Variants in ARHGEF3 observed in about 807,000 individuals in gnomAD.
ARHGEF3 encodes Rho guanine nucleotide exchange factor 3.
ARHGEF3 carries 28 observed loss-of-function variants against 63.2 expected under a neutral mutation model. That is an observed-to-expected ratio of 0.44 (90% confidence interval 0.33 to 0.61). The LOEUF (loss-of-function observed/expected upper bound fraction) is 0.61. Ranked by LOEUF, ARHGEF3 falls within the 20% of genes least tolerant of loss-of-function variation. ARHGEF3 has a pLI of 0.03. For missense variants in ARHGEF3, 533 were observed against 659.3 expected (o/e 0.81, Z 2.10); for synonymous variants, 266 against 254.2 (o/e 1.05, Z -0.44).
intron 4 of ARHGEF3, among the ~76,000 whole-genome samples, chr3:56,866,777 T>C (rs1412711500): frequency 1.3e-5 from 2 of 152,240 alleles, no homozygotes; most frequent in Admixed American, 6.5e-5. Context: ...CCAGGCATAG[T>C]GTTGTGCACT....
chr3:56,837,894 A>G lies in ARHGEF3; in HGVS notation c.192+44398T>C, dbSNP rs143398438. 3.3e-3 allele frequency among the ~76,000 whole-genome samples: 496 copies of G among 152,326 alleles called. 2 individuals carry two copies. Among genetic ancestry groups the G allele is most frequent in the African/African-American group, 0.011 (466 of 41,568 alleles). On this transcript the variant is annotated intron_variant, in intron 4 of 12. Transcript: ENST00000338458. Reference sequence around the variant, plus strand: ...GGATTACAAGCTTCCTCCAGCAGCCAGAAACTTACATATTTCTAACACACT... The same window carrying G: ...GGATTACAAGCTTCCTCCAGCAGCCGGAAACTTACATATTTCTAACACACT...
At chr3:56,907,750 G>C (rs1420417527) in intron 3 of ARHGEF3, among the ~76,000 whole-genome samples, 1 of 152,194 alleles carries the variant, frequency 6.6e-6, no homozygotes, top group Non-Finnish European at 1.5e-5. Context: ...ATTATCCTTA[G>C]CAAACTAATG....
chr3:56,766,056 T>C (rs930840240), intron 2 of ARHGEF3, among the ~76,000 whole-genome samples: 5 of 151,986 alleles, frequency 3.3e-5, no homozygotes, highest in African/African-American at 9.7e-5. Flanking sequence ...CTAATATGGG[T>C]GTATATTATC....
intron 6 of ARHGEF3, among the ~76,000 whole-genome samples, chr3:56,749,663 C>T (rs370496025): frequency 9.6e-4 from 146 of 152,278 alleles, no homozygotes; most frequent in African/African-American, 3.5e-3. Flanking sequence ...AAAACATCTA[C>T]GATGGCTCAT....
At position 56,774,985 on chromosome 3, in the gene ARHGEF3, AAAGAG is replaced by A. The variant is rs1033903311; in HGVS notation, c.97-1174_97-1170del. 1.2e-5 allele frequency: 18 copies of A among 1,488,626 alleles called. 2 individuals are homozygous for A. The highest frequency in any genetic ancestry group is 2.5e-5 in the East Asian group (1 of 39,430). 92.2% of individuals were successfully genotyped at this position (1,488,626 alleles called of 1,614,324 possible). On this transcript the variant is annotated intron_variant, in intron 1 of 9. Coordinates refer to ENST00000296315, the MANE Select transcript of ARHGEF3 (RefSeq NM_019555.3). Reference sequence around the variant, plus strand: ...GATAGACAAAACATTTTACAAAGACAAAGAGAAGAGTTACCCTTGTCCTCCTAAGC... The same window carrying A: ...GATAGACAAAACATTTTACAAAGACAAAGAGTTACCCTTGTCCTCCTAAGC...
chr3:56,951,286 AGAAAG>A (rs1293321453), intron 3 of ARHGEF3, among the ~76,000 whole-genome samples: 2 of 151,902 alleles, frequency 1.3e-5, no homozygotes, highest in African/African-American at 2.4e-5. Context: ...AAAAAAAAAA[AGAAAG>A]GAAAGAAAAA....
At chr3:56,759,841 C>T (rs910648616) in intron 2 of ARHGEF3, among the ~76,000 whole-genome samples, 3 of 152,200 alleles carry the variant, frequency 2.0e-5, no homozygotes, top group African/African-American at 7.2e-5. Flanking sequence ...CCACTGTGCC[C>T]AGCCTACAAT....
chr3:56,914,632 A>C (rs529549975), intron 3 of ARHGEF3, among the ~76,000 whole-genome samples: 1 of 152,344 alleles, frequency 6.6e-6, no homozygotes, highest in African/African-American at 2.4e-5. Flanking sequence ...AGCTCCACGC[A>C]ATATTACCAC....
chr3:56,797,664 G>A lies in ARHGEF3; in HGVS notation c.96+4039C>T, dbSNP rs141111462. ...AGCTGGCATTCAAGAAGTACAGCCC[G>A]AGGTGCATACAATTTTAAAATGCAC... On this transcript the variant is annotated intron_variant, in intron 1 of 9. Coordinates refer to ENST00000296315, the MANE Select transcript of ARHGEF3 (RefSeq NM_019555.3). Among the ~76,000 whole-genome samples, 338 of 152,254 alleles carry A rather than the reference G, an allele frequency of 2.2e-3. 2 individuals are homozygous for A. Among genetic ancestry groups the A allele is most frequent in the Non-Finnish European group, 3.6e-3 (242 of 68,034 alleles).
At chr3:56,764,756 ATTTTTTTT>A in intron 2 of ARHGEF3, among the ~76,000 whole-genome samples, 1 of 142,260 alleles carries the variant, frequency 7.0e-6, no homozygotes, top group Non-Finnish European at 1.5e-5. Context: ...TAGTCAACAA[ATTTTTTTT>A]TTTTTTTTTT....
intron 2 of ARHGEF3, chr3:56,960,572 A>G (rs1700237434): frequency 6.6e-6 from 1 of 152,178 alleles, no homozygotes; most frequent in Non-Finnish European, 1.5e-5. Context: ...TTCTCTCTCA[A>G]CACCTAGCTC....
intron 2 of ARHGEF3, among the ~76,000 whole-genome samples, chr3:57,000,313 C>T (rs1003248585): frequency 1.9e-4 from 17 of 90,318 alleles, no homozygotes; most frequent in Non-Finnish European, 4.0e-4. Flanking sequence ...GTAACTCCCA[C>T]ACACACACAC....
At chr3:57,002,462 C>CTATATATATATATATATATATATGTTATA (rs1165862414) in intron 2 of ARHGEF3, among the ~76,000 whole-genome samples, 2 of 38,686 alleles carry the variant, frequency 5.2e-5, no homozygotes, top group African/African-American at 2.2e-4. Context: ...GTTCTAAGCA[C>CTATATATATATATATATATATATGTTATA]TATATATATA....
At position 56,813,281 on chromosome 3, in the gene ARHGEF3, G is replaced by C. The variant is rs183606725; in HGVS notation, c.193-39465C>G. On this transcript the variant is annotated intron_variant, in intron 4 of 12. Transcript: ENST00000338458. Reference sequence around the variant, plus strand: ...TCCAGGAGAAACAATAGCTGGGAAGGCTGGGTTTTTATGATTCATGGGAGG... The same window carrying C: ...TCCAGGAGAAACAATAGCTGGGAAGCCTGGGTTTTTATGATTCATGGGAGG... Among the ~76,000 whole-genome samples, 7 of 152,300 alleles carry C rather than the reference G, an allele frequency of 4.6e-5. No individual in the cohort carries two copies. In the East Asian group the frequency reaches 9.6e-4, roughly 21 times the overall value.
At chr3:57,039,838 T>C (rs541624387) in intron 1 of ARHGEF3, among the ~76,000 whole-genome samples, 10 of 152,320 alleles carry the variant, frequency 6.6e-5, no homozygotes, top group Admixed American at 2.6e-4. Context: ...CCCTCAAGGA[T>C]GATCTCCCCA....
At chr3:56,735,532 G>A (rs2033552953) in intron 8 of ARHGEF3, among the ~76,000 whole-genome samples, 1 of 152,058 alleles carries the variant, frequency 6.6e-6, no homozygotes, top group African/African-American at 2.4e-5. Context: ...TTATGCCTTA[G>A]GCACATCTAA....
At chr3:56,968,333 TAA>T (rs1700755210) in intron 2 of ARHGEF3, among the ~76,000 whole-genome samples, 1 of 47,408 alleles carries the variant, frequency 2.1e-5, no homozygotes, top group Non-Finnish European at 4.3e-5. Flanking sequence ...TATATATATA[TAA>T]TATATAATAT....
intron 1 of ARHGEF3, among the ~76,000 whole-genome samples, chr3:57,054,496 G>A (rs1397867747): frequency 6.6e-6 from 1 of 151,004 alleles, no homozygotes; most frequent in Non-Finnish European, 1.5e-5. Context: ...AAAAAAGTCG[G>A]GCATGATGGT....
At chr3:56,911,746 C>A (rs1453183724) in intron 3 of ARHGEF3, among the ~76,000 whole-genome samples, 1 of 152,078 alleles carries the variant, frequency 6.6e-6, no homozygotes, top group African/African-American at 2.4e-5. Flanking sequence ...AATCAAACTA[C>A]GTCCATGTTT....
Sources: allele counts gnomAD v4.1 joint callset (sites outside exome capture counted in the v4.1 genomes callset), GRCh38; gene constraint gnomAD v4.1.1; transcripts MANE v1.5; gene names NCBI Gene and HGNC (gene_info 2026-07-23, HGNC 2026-07-21).